COLEC11: variants seen among roughly 807,000 people sequenced by gnomAD.
COLEC11 encodes the protein collectin subfamily member 11.
Under a neutral mutation model 27.3 loss-of-function variants are expected in COLEC11, and 20 were observed. The ratio of observed to expected loss-of-function variants is 0.73; its 90% CI spans 0.51 to 1.06. The LOEUF is 1.06. Ranked by LOEUF, COLEC11 falls within the 50% of genes least tolerant of loss-of-function variation. The pLI is 0.00. For synonymous variants in COLEC11, 163 were observed against 154.7 expected, an observed-to-expected ratio of 1.05 and a Z score of -0.40; for missense variants, 310 against 383.0, an observed-to-expected ratio of 0.81 and a Z score of 1.59.
rs147362981 is a variant in COLEC11 at position 3,604,368 on chromosome 2, G to A, written c.28G>A (p.Val10Ile). Residue 10 changes from valine (V) to isoleucine (I), a missense_variant, in exon 2 of 7, where the codon GTT (valine) becomes ATT (isoleucine). Transcript: ENST00000349077. Reference sequence around the variant, plus strand: ...GAGGGGGAATCTGGCCCTGGTGGGCGTTCTAATCAGCCTGGCCTTCCTGTC... The same window carrying A: ...GAGGGGGAATCTGGCCCTGGTGGGCATTCTAATCAGCCTGGCCTTCCTGTC... MRGNLALVG[V>I]LISLAFLSLL... 64 of 1,614,104 alleles carry A rather than the reference G, an allele frequency of 4.0e-5. No homozygotes were observed. The highest frequency in any genetic ancestry group is 1.8e-4 in the South Asian group (16 of 91,094).
intron 3 of COLEC11, among the ~76,000 whole-genome samples, chr2:3,623,174 C>T (rs1235189391): frequency 2.0e-5 from 3 of 152,118 alleles, no homozygotes; most frequent in Non-Finnish European, 4.4e-5. Context: ...TGAGGGTTCT[C>T]TTGGATGTGA....
intron 1 of COLEC11, chr2:3,603,336 T>G (rs531701345): frequency 3.6e-4 from 78 of 217,376 alleles, no homozygotes; most frequent in African/African-American, 1.0e-3. Flanking sequence ...TATTTTTTTT[T>G]GGGACGGAGT....
Position 3,644,104 on chromosome 2 carries a change from AAGG to A in COLEC11, c.805_807del (p.Glu269del), listed in dbSNP as rs995391363. On this transcript the variant is annotated inframe_deletion, in exon 7 of 7. Transcript: ENST00000349077. ...CATGTACTTCATGTGTGAGTTTGAC[AAGG>A]AGAACATGTGAGCCTCAGGCTGGGG... 3 of 1,611,962 alleles carry A rather than the reference AAGG, an allele frequency of 1.9e-6. No homozygotes were observed. The African/African-American group carries it at 4.0e-5, about 22-fold the overall frequency.
chr2:3,642,875 C>T (rs556087382), intron 5 of COLEC11, among the ~76,000 whole-genome samples: 5 of 152,354 alleles, frequency 3.3e-5, no homozygotes, highest in East Asian at 3.9e-4. Flanking sequence ...CCGTCCCTCA[C>T]GCCCTGTGTG....
At chr2:3,617,353 TGCCA>T (rs1663838484) in intron 3 of COLEC11, among the ~76,000 whole-genome samples, 1 of 152,208 alleles carries the variant, frequency 6.6e-6, no homozygotes, top group African/African-American at 2.4e-5. Context: ...TTTCCTTCCC[TGCCA>T]GCCAGCCAGA....
intron 2 of COLEC11, among the ~76,000 whole-genome samples, chr2:3,613,005 GT>G (rs1167331133): frequency 2.1e-5 from 3 of 145,626 alleles, no homozygotes; most frequent in African/African-American, 8.5e-5. Context: ...GAGAGCCGGC[GT>G]TTAGACGCGG....
chr2:3,638,064 G>A (rs569146812), intron 4 of COLEC11, among the ~76,000 whole-genome samples: 2 of 152,372 alleles, frequency 1.3e-5, no homozygotes, highest in Admixed American at 6.5e-5. Flanking sequence ...AGCAGCGGGT[G>A]TGGGCAGCAA....
chr2:3,642,946 T>G lies in COLEC11; in HGVS notation c.329-498T>G, dbSNP rs939009926. Among the ~76,000 whole-genome samples the G allele has an allele frequency of 2.0e-5, 3 of 152,140 alleles. No individual in the cohort carries two copies. In the South Asian group the frequency reaches 6.2e-4, roughly 32 times the overall value. On this transcript the variant is annotated intron_variant, in intron 5 of 6. Coordinates refer to ENST00000349077, the MANE Select transcript of COLEC11 (RefSeq NM_024027.5). The stretch of plus-strand genomic sequence containing the variant: ...CCCCACCTGACATGTCACAGGCACC[T>G]GAGTGTTGGCAGATTCCACCTCCTT...
intron 3 of COLEC11, chr2:3,626,202 GC>G: frequency 1.1e-6 from 1 of 945,354 alleles, no homozygotes; most frequent in South Asian, 1.3e-5. Context: ...TGGAGCAGAA[GC>G]CCCATTTCTA....
At chr2:3,629,148 A>G (rs1664788436) in intron 3 of COLEC11, among the ~76,000 whole-genome samples, 1 of 152,230 alleles carries the variant, frequency 6.6e-6, no homozygotes, top group African/African-American at 2.4e-5. Context: ...CTGTAACCAC[A>G]CTACTGTCCG....
rs918071335 is a variant in COLEC11, at chr2:3,634,689, G to C, written c.203-2844G>C. 2.0e-5 allele frequency among the ~76,000 whole-genome samples: 3 copies of C among 148,042 alleles called. No individual in the cohort carries two copies. The South Asian group carries it at 6.3e-4, about 31-fold the overall frequency. Reference sequence around the variant, plus strand: ...GAACGGGTACCTGGCATCTGCCATCGGGAAGAGCAGGCCAGTTGGCTCCAG... The same window carrying C: ...GAACGGGTACCTGGCATCTGCCATCCGGAAGAGCAGGCCAGTTGGCTCCAG... On this transcript the variant is annotated intron_variant, in intron 3 of 6. Coordinates refer to ENST00000349077, the MANE Select transcript of COLEC11 (RefSeq NM_024027.5).
At position 3,640,410 on chromosome 2, in the gene COLEC11, A is replaced by G. The variant is rs550437167; in HGVS notation, c.328+79A>G. On this transcript the variant is annotated intron_variant, in intron 5 of 6. Coordinates refer to ENST00000349077, the MANE Select transcript of COLEC11 (RefSeq NM_024027.5). ...TTTGAAAACAATGTAGATCTACACC[A>G]TGTAGATCCCACAGTGGACACCCAC... 6.2e-4 allele frequency: 492 copies of G among 793,244 alleles called. 1 individual carries two copies. The highest frequency in any genetic ancestry group is 9.7e-4 in the Non-Finnish European group (448 of 462,812). The allele number at this position is 793,244 out of a possible 1,614,324, so 49.1% of individuals were successfully genotyped here.
intron 2 of COLEC11, among the ~76,000 whole-genome samples, chr2:3,604,771 A>G (rs1441865855): frequency 6.6e-6 from 1 of 152,124 alleles, no homozygotes; most frequent in African/African-American, 2.4e-5. Context: ...GCCTCGTGTG[A>G]TCCTCCCCAT....
chr2:3,601,611 T>A (rs1462261652), intron 1 of COLEC11, among the ~76,000 whole-genome samples: 1 of 152,312 alleles, frequency 6.6e-6, no homozygotes, highest in Non-Finnish European at 1.5e-5. Context: ...AGTACCTTTT[T>A]TCCCCCGAGC....
chr2:3,607,614 A>G (rs1001140954), intron 2 of COLEC11, among the ~76,000 whole-genome samples: 9 of 151,834 alleles, frequency 5.9e-5, no homozygotes, highest in South Asian at 2.1e-4. Context: ...ACGCCCGGCT[A>G]ATTTTTGTAT....
intron 2 of COLEC11, among the ~76,000 whole-genome samples, chr2:3,608,823 AG>A (rs1662942372): frequency 1.3e-5 from 2 of 152,342 alleles, no homozygotes; most frequent in South Asian, 4.1e-4. Flanking sequence ...CGTGGATGGG[AG>A]GCCTCTGTAC....
chr2:3,596,969 GCCT>G (rs1433851436), intron 1 of COLEC11, among the ~76,000 whole-genome samples: 1 of 152,248 alleles, frequency 6.6e-6, no homozygotes, highest in African/African-American at 2.4e-5. Context: ...CAGGGCCTGT[GCCT>G]CCTTTGTGCC....
chr2:3,605,210 G>T (rs935191462), intron 2 of COLEC11: 2 of 438,324 alleles, frequency 4.6e-6, no homozygotes, highest in Non-Finnish European at 9.4e-6. Context: ...AGGGACAGCA[G>T]AGTGTGTGCC....
intron 2 of COLEC11, among the ~76,000 whole-genome samples, chr2:3,609,281 A>G (rs1313546007): frequency 7.6e-6 from 1 of 132,180 alleles, no homozygotes; most frequent in East Asian, 2.3e-4. Context: ...TGTGGGACAC[A>G]GTGTAATGTG....
Sources: allele counts gnomAD v4.1 joint callset (sites outside exome capture counted in the v4.1 genomes callset), GRCh38; gene constraint gnomAD v4.1.1; transcripts MANE v1.5; gene names NCBI Gene and HGNC (gene_info 2026-07-23, HGNC 2026-07-21).